Variants in TAGLN observed in about 807,000 individuals in gnomAD.
The protein encoded by TAGLN is 22 kDa actin-binding protein.
TAGLN carries 16 observed loss-of-function variants against 21.9 expected under a neutral mutation model. The observed-to-expected ratio is 0.73, with a 90% CI of 0.49 to 1.11. TAGLN has a LOEUF of 1.11. TAGLN is among the 50% of genes least tolerant of loss of function. TAGLN has a pLI of 0.00. For missense variants in TAGLN, 248 were observed against 263.2 expected (o/e 0.94, Z 0.40); for synonymous variants, 96 against 94.9 (o/e 1.01, Z -0.06).
intron 1 of TAGLN, chr11:117,202,263 G>C (rs571777709): frequency 3.1e-4 from 48 of 152,422 alleles, no homozygotes; most frequent in African/African-American, 1.1e-3. Flanking sequence ...AGGAAATGCA[G>C]CTTCTTTGCC....
rs748931794 is a variant in TAGLN, at chr11:117,204,709, CA to C, written c.*351del. 1.0e-5 allele frequency: 4 copies of C among 381,276 alleles called. No homozygotes were observed. The highest frequency in any genetic ancestry group is 2.1e-5 in the African/African-American group (1 of 48,292). 23.6% of individuals were successfully genotyped at this position (381,276 alleles called of 1,614,324 possible). On this transcript the variant is annotated 3_prime_UTR_variant, in exon 5 of 5. Transcript: ENST00000392951. ...CGGCAAAAGCCCATTGAAGAAGAAC[CA>C]GCCCAGCCTGCCCCCTATCTTGTCC...
chr11:117,204,085 A>G (rs760090961), intron 4 of TAGLN, 130 bp from the exon 5 acceptor site: 12 of 1,393,846 alleles, frequency 8.6e-6, no homozygotes, highest in Non-Finnish European at 3.9e-6. Context: ...CCTATGAGGC[A>G]AGCTAGATTA....
chr11:117,204,122 A>G, intron 4 of TAGLN, 93 bp from the exon 5 acceptor site: 2 of 1,562,350 alleles, frequency 1.3e-6, no homozygotes, highest in South Asian at 1.2e-5. Flanking sequence ...CAGGAAGGCA[A>G]TGGGATTGGG....
rs641620 is a variant in TAGLN, at chr11:117,203,513, T to C, written c.358+29T>C. ...GAGAGGAAGAGGCTGGGGGAGGAGG[T>C]GGGCAGGAGGACAGGGTGCTGGGAC... On this transcript the variant is annotated intron_variant, in intron 3 of 4. Transcript: ENST00000392951. This position sits in a 1 kb window ranked among gnomAD's most constrained non-coding sequence, Gnocchi z 4.4. 313,530 of 1,608,006 alleles carry C rather than the reference T, an allele frequency of 0.19. 41,643 individuals carry two copies. Among genetic ancestry groups the C allele is most frequent in the East Asian group, 0.54 (24,003 of 44,696 alleles).
chr11:117,202,947 G>A, intron 1 of TAGLN, 55 bp from the exon 2 acceptor site: 1 of 1,484,248 alleles, frequency 6.7e-7, no homozygotes, highest in South Asian at 1.4e-5. Flanking sequence ...ACGGGTGAAA[G>A]CAGAGCTGCT....
chr11:117,202,211 A>AG (rs2031125879), intron 1 of TAGLN: 1 of 152,234 alleles, frequency 6.6e-6, no homozygotes, highest in African/African-American at 2.4e-5. Context: ...TAAGGGCATG[A>AG]GGGGAAGTCG....
Position 117,204,524 on chromosome 11 carries a change from GCC to G in TAGLN, c.*169_*170del. The G allele has an allele frequency of 9.2e-7, 1 of 1,091,800 alleles. No homozygotes were observed. Among genetic ancestry groups the G allele is most frequent in the Non-Finnish European group, 1.4e-6 (1 of 739,494 alleles). 67.6% of individuals were successfully genotyped at this position (1,091,800 alleles called of 1,614,324 possible). ...CTGCACCTGGGCAGCTCCTCCCTGT[GCC>G]CCCAGCCTCAGCCCAACTTCTTACC... On this transcript the variant is annotated 3_prime_UTR_variant, in exon 5 of 5. Coordinates refer to ENST00000392951, the MANE Select transcript of TAGLN (RefSeq NM_003186.5).
Position 117,203,972 on chromosome 11 carries a change from G to A in TAGLN, c.461+88G>A. On this transcript the variant is annotated intron_variant, in intron 4 of 4. Transcript: ENST00000392951. This position sits in a 1 kb window ranked among gnomAD's most constrained non-coding sequence, Gnocchi z 4.4. ...CTTGCGGGAAGGATTAGGGGAAGCA[G>A]ATAGCCAAGAAAGGATAAAGTGAGG... is the stretch of plus-strand genomic sequence containing the variant. The A allele has an allele frequency of 7.9e-7, 1 of 1,264,328 alleles. No individual in the cohort carries two copies. The highest frequency in any genetic ancestry group is 1.1e-6 in the Non-Finnish European group (1 of 874,046). 78.3% of individuals were successfully genotyped at this position (1,264,328 alleles called of 1,614,324 possible).
Position 117,204,099 on chromosome 11 carries a change from A to G in TAGLN, c.462-116A>G, listed in dbSNP as rs190406453. On this transcript the variant is annotated intron_variant, in intron 4 of 4. Coordinates refer to ENST00000392951, the MANE Select transcript of TAGLN (RefSeq NM_003186.5). ...GCCTATGAGGCAAGCTAGATTAGGG[A>G]AAAAAAGTGCAACAGGAAGGCAATG... 1,018 of 1,481,568 alleles carry G rather than the reference A, an allele frequency of 6.9e-4. 2 individuals are homozygous for G. Among genetic ancestry groups the G allele is most frequent in the Admixed American group, 1.0e-3 (52 of 49,990 alleles). The allele number at this position is 1,481,568 out of a possible 1,614,324, so 91.8% of individuals were successfully genotyped here.
In TAGLN at chr11:117,204,250, G is replaced by C. The variant is rs772680088; in HGVS notation, c.497G>C (p.Ser166Thr). 3.7e-6 allele frequency: 6 copies of C among 1,614,150 alleles called. No individual in the cohort carries two copies. The South Asian group carries it at 6.6e-5, about 18-fold the overall frequency. The change falls in exon 5 of 5, where the codon AGC becomes ACC. Residue 166 changes from serine (S) to threonine (T), a missense_variant. Coordinates refer to ENST00000392951, the MANE Select transcript of TAGLN (RefSeq NM_003186.5). ...GAGCATAAGAGGGAATTCACAGAGA[G>C]CCAGCTGCAGGAGGGAAAGCATGTC... ...AQEHKREFTESQLQEGKHVIG... is the reference protein window; with the variant it reads ...AQEHKREFTETQLQEGKHVIG...
Position 117,203,073 on chromosome 11 carries a change from G to T in TAGLN, c.60G>T (p.Lys20Asn). 1.2e-6 allele frequency: 2 copies of T among 1,611,610 alleles called. No homozygotes were observed. The highest frequency in any genetic ancestry group is 1.7e-6 in the Non-Finnish European group (2 of 1,178,800). Residue 20 changes from lysine (K) to asparagine (N), a missense_variant, in exon 2 of 5, where the codon AAG becomes AAT. Transcript: ENST00000392951. The surrounding 1 kb of genome is among the most constrained non-coding windows in gnomAD (Gnocchi z 4.4). ...MSREVQSKIE[K>N]KYDEELEERL... Reference sequence around the variant, plus strand: ...GCGAAGTGCAGTCCAAAATCGAGAAGAAGTATGACGAGGAGCTGGAGGAGC... The same window carrying T: ...GCGAAGTGCAGTCCAAAATCGAGAATAAGTATGACGAGGAGCTGGAGGAGC...
intron 1 of TAGLN, chr11:117,201,051 C>G (rs1294055017): frequency 6.6e-6 from 1 of 152,332 alleles, no homozygotes; most frequent in East Asian, 1.9e-4. Context: ...GACCACAGTT[C>G]TTTGTGCAGG....
At position 117,203,505 on chromosome 11, in the gene TAGLN, G is replaced by A. The variant is rs1392733348; in HGVS notation, c.358+21G>A. ...TGAAGGTAGAGAGGAAGAGGCTGGG[G>A]GAGGAGGTGGGCAGGAGGACAGGGT... On this transcript the variant is annotated intron_variant, in intron 3 of 4. Transcript: ENST00000392951. This position sits in a 1 kb window ranked among gnomAD's most constrained non-coding sequence, Gnocchi z 4.4. 1.2e-6 allele frequency: 2 copies of A among 1,610,774 alleles called. No individual in the cohort carries two copies. The highest frequency in any genetic ancestry group is 3.3e-4 in the Middle Eastern group (2 of 6,018).
chr11:117,203,210 G>A lies in TAGLN; in HGVS notation c.180+17G>A, dbSNP rs376615679. On this transcript the variant is annotated intron_variant, in intron 2 of 4. Transcript: ENST00000392951. This position sits in a 1 kb window ranked among gnomAD's most constrained non-coding sequence, Gnocchi z 4.4. ...AATGGCGTGGTGAGTGGCACCCTGG[G>A]CTAGGGCGCTGGGGGGCTGGGGTGT... is the stretch of plus-strand genomic sequence containing the variant. 4.4e-6 allele frequency: 7 copies of A among 1,591,782 alleles called. No individual in the cohort carries two copies. The African/African-American group carries it at 6.7e-5, about 15-fold the overall frequency.
chr11:117,200,720 C>T (rs2031057173), intron 1 of TAGLN, among the ~76,000 whole-genome samples: 1 of 152,108 alleles, frequency 6.6e-6, no homozygotes, highest in African/African-American at 2.4e-5. Flanking sequence ...GTCTCTAGAT[C>T]TGGGGGCTGC....
rs2031354059 is a variant in TAGLN, at chr11:117,206,054, C to G, written c.*1695C>G. 3.5e-6 allele frequency: 5 copies of G among 1,419,426 alleles called. No individual in the cohort carries two copies. The East Asian group carries it at 1.2e-4, about 34-fold the overall frequency. 87.9% of individuals were successfully genotyped at this position (1,419,426 alleles called of 1,614,324 possible). On this transcript the variant is annotated 3_prime_UTR_variant, in exon 5 of 5. Coordinates refer to ENST00000392951, the MANE Select transcript of TAGLN (RefSeq NM_003186.5). ...CGTCTAGGTGCTGATGAGGGCAGTC[C>G]AGGGCGCTCTTGTTCTGGGACAGGC...
chr11:117,204,701 A>G lies in TAGLN; in HGVS notation c.*342A>G. On this transcript the variant is annotated 3_prime_UTR_variant, in exon 5 of 5. Transcript: ENST00000392951. ...CTCCTTGGCGGCAAAAGCCCATTGA[A>G]GAAGAACCAGCCCAGCCTGCCCCCT... 2.5e-6 allele frequency: 1 copy of G among 394,598 alleles called. No homozygotes were observed. Among genetic ancestry groups the G allele is most frequent in the Non-Finnish European group, 4.8e-6 (1 of 207,848 alleles). The allele number at this position is 394,598 out of a possible 1,614,324, so 24.4% of individuals were successfully genotyped here.
rs12284316 is a variant in TAGLN at position 117,204,298 on chromosome 11, A to G, written c.545A>G (p.Asn182Ser). The G allele has an allele frequency of 6.5e-4, 1,052 of 1,614,246 alleles. 6 individuals are homozygous for G. In the African/African-American group the frequency reaches 0.013, roughly 20 times the overall value. ...GTCATTGGCCTTCAGATGGGCAGCAACAGAGGGGCCTCCCAGGCCGGCATG... is the reference window on the plus strand; with the variant it reads ...GTCATTGGCCTTCAGATGGGCAGCAGCAGAGGGGCCTCCCAGGCCGGCATG... ...KHVIGLQMGSNRGASQAGMTG... is the reference protein window; with the variant it reads ...KHVIGLQMGSSRGASQAGMTG... Residue 182 changes from asparagine to serine, a missense_variant, in exon 5 of 5, where the codon AAC becomes AGC. Transcript: ENST00000392951.
In TAGLN at chr11:117,205,719, G is replaced by A. The variant is rs1048849741; in HGVS notation, c.*1360G>A. The A allele has an allele frequency of 8.6e-6, 3 of 348,072 alleles. No homozygotes were observed. The highest frequency in any genetic ancestry group is 1.0e-5 in the Non-Finnish European group (2 of 193,312). The allele number at this position is 348,072 out of a possible 1,614,324, so 21.6% of individuals were successfully genotyped here. On this transcript the variant is annotated 3_prime_UTR_variant, in exon 5 of 5. Coordinates refer to ENST00000392951, the MANE Select transcript of TAGLN (RefSeq NM_003186.5). ...CCTAGGCAGCTGGCTTGGCCCAAGA[G>A]AGATGAGGATGGAGGCCAAACCAAA...
Sources: allele counts gnomAD v4.1 joint callset (sites outside exome capture counted in the v4.1 genomes callset), GRCh38; gene constraint gnomAD v4.1.1; non-coding constraint Gnocchi (gnomAD v3.1); transcripts MANE v1.5; gene names NCBI Gene and HGNC (gene_info 2026-07-23, HGNC 2026-07-21).